ZNF138: variants seen among roughly 807,000 people sequenced by gnomAD.
ZNF138 encodes zinc finger protein 138 (clone pHZ-32).
A neutral mutation model predicts 33.0 loss-of-function variants in ZNF138; 33 were observed. That is an observed-to-expected ratio of 1.00 (90% CI 0.76 to 1.34). The LOEUF is 1.34. Ranked by LOEUF, ZNF138 falls within the 40% of genes most tolerant of loss-of-function variation. ZNF138 has a pLI of 0.00. For synonymous variants in ZNF138, 139 were observed against 120.4 expected, an observed-to-expected ratio of 1.15 and a Z score of -1.01; for missense variants, 360 against 370.8, an observed-to-expected ratio of 0.97 and a Z score of 0.24.
intron 3 of ZNF138, among the ~76,000 whole-genome samples, chr7:64,819,449 C>T (rs1185605421): frequency 6.6e-6 from 1 of 151,550 alleles, no homozygotes; most frequent in Non-Finnish European, 1.5e-5. Flanking sequence ...CTCACTGCAA[C>T]CTCCACCTTT....
chr7:64,854,881 T>C, the ZNF138 span, among the ~76,000 whole-genome samples: 1 of 152,238 alleles, frequency 6.6e-6, no homozygotes, highest in East Asian at 1.9e-4. Context: ...GCATACTATA[T>C]ACATACATTG....
the ZNF138 span, among the ~76,000 whole-genome samples, chr7:64,849,825 T>C: frequency 6.6e-6 from 1 of 152,008 alleles, no homozygotes; most frequent in East Asian, 1.9e-4. Context: ...GCACCGAGTG[T>C]TCTGCCAGGC....
intron 3 of ZNF138, chr7:64,831,205 T>C: frequency 7.7e-7 from 1 of 1,301,730 alleles, no homozygotes; most frequent in Non-Finnish European, 1.1e-6. Flanking sequence ...CTTTTCTCTC[T>C]CTTCTGTGTG....
rs1471794532 is a variant in ZNF138 at position 64,831,733 on chromosome 7, A to G, written c.491A>G (p.Asn164Ser). ...SNRHKIRHTE[N>S]KHFRCKECDK... ...AGACACAAGATAAGACATACTGAAA[A>G]TAAACATTTCAGATGTAAAGAATGT... The change falls in exon 4 of 4, where the codon AAT (asparagine) becomes AGT (serine). Residue 164 changes from asparagine to serine, a missense_variant. Asn to Ser is a conservative substitution (Grantham distance 46, BLOSUM62 1). Coordinates refer to ENST00000307355, the MANE Select transcript of ZNF138 (RefSeq NM_001271639.2). The G allele has an allele frequency of 1.2e-6, 2 of 1,613,432 alleles. No homozygotes were observed. The highest frequency in any genetic ancestry group is 8.5e-7 in the Non-Finnish European group (1 of 1,179,826).
intron 1 of ZNF138, among the ~76,000 whole-genome samples, chr7:64,799,552 G>A (rs1008621959): frequency 2.0e-5 from 3 of 152,290 alleles, no homozygotes; most frequent in Admixed American, 6.5e-5. Flanking sequence ...TGTAATTCTT[G>A]TAGAGATCTT....
intron 3 of ZNF138, among the ~76,000 whole-genome samples, chr7:64,820,984 G>T (rs1483572343): frequency 6.7e-6 from 1 of 148,576 alleles, no homozygotes; most frequent in Non-Finnish European, 1.5e-5. Context: ...AACAGATTTG[G>T]TGTTTTTAAA....
intron 1 of ZNF138, among the ~76,000 whole-genome samples, chr7:64,805,131 G>C (rs751261053): frequency 2.0e-5 from 3 of 152,086 alleles, no homozygotes; most frequent in Non-Finnish European, 4.4e-5. Context: ...GGGCGCAGTG[G>C]CTCACACCTA....
intron 3 of ZNF138, among the ~76,000 whole-genome samples, chr7:64,829,421 T>C (rs1439914700): frequency 6.6e-6 from 1 of 150,870 alleles, no homozygotes; most frequent in East Asian, 2.0e-4. Flanking sequence ...CACACACATA[T>C]GTAGAAATTT....
intron 1 of ZNF138, among the ~76,000 whole-genome samples, chr7:64,808,974 A>G (rs1237537877): frequency 1.5e-5 from 2 of 137,258 alleles, no homozygotes; most frequent in Admixed American, 7.5e-5. Context: ...AAAGTCTCCC[A>G]TGTCTACTTC....
intron 1 of ZNF138, among the ~76,000 whole-genome samples, chr7:64,813,432 AAT>A (rs746771263): frequency 1.3e-5 from 1 of 77,646 alleles, no homozygotes; most frequent in South Asian, 5.8e-4. Context: ...TTTGCATAAA[AAT>A]GATTTTTTTT....
chr7:64,802,839 G>A (rs893065436), intron 1 of ZNF138, among the ~76,000 whole-genome samples: 1 of 151,878 alleles, frequency 6.6e-6, no homozygotes, highest in Non-Finnish European at 1.5e-5. Context: ...TATCTTTACA[G>A]ATACAGTCAC....
intron 3 of ZNF138, chr7:64,831,220 T>C: frequency 3.3e-6 from 4 of 1,222,420 alleles, no homozygotes; most frequent in Non-Finnish European, 4.5e-6. Context: ...TGTGTGGCTC[T>C]TTGCATTGTG....
chr7:64,854,047 A>G, the ZNF138 span, among the ~76,000 whole-genome samples: 2 of 146,986 alleles, frequency 1.4e-5, no homozygotes, highest in Non-Finnish European at 3.0e-5. Flanking sequence ...AAAAAAAAAA[A>G]TAATTATTTT....
intron 1 of ZNF138, among the ~76,000 whole-genome samples, chr7:64,808,835 C>T (rs1787832360): frequency 7.5e-6 from 1 of 133,882 alleles, no homozygotes; most frequent in African/African-American, 2.5e-5. Context: ...GCACATCTTG[C>T]ACCGCCCTTA....
In ZNF138 at chr7:64,809,685, C is replaced by T. The variant is rs534924153; in HGVS notation, c.4-5233C>T. ...ATGGGGCTGCTGCCGGGCGGAGGGGCTCCTCACTTCTCAGACGGGGCGGTT... is the reference window on the plus strand; with the variant it reads ...ATGGGGCTGCTGCCGGGCGGAGGGGTTCCTCACTTCTCAGACGGGGCGGTT... On this transcript the variant is annotated intron_variant, in intron 1 of 3. Coordinates refer to ENST00000307355, the MANE Select transcript of ZNF138 (RefSeq NM_001271639.2). 2.0e-5 allele frequency among the ~76,000 whole-genome samples: 3 copies of T among 149,224 alleles called. No homozygotes were observed. The South Asian group carries it at 6.5e-4, about 32-fold the overall frequency.
chr7:64,852,449 A>G, the ZNF138 span: 9 of 1,580,300 alleles, frequency 5.7e-6, no homozygotes, highest in South Asian at 6.7e-5. Context: ...TTGTGGTGCA[A>G]TCTCGATGAT....
the ZNF138 span, among the ~76,000 whole-genome samples, chr7:64,840,730 AT>A: frequency 6.6e-6 from 1 of 151,710 alleles, no homozygotes; most frequent in Non-Finnish European, 1.5e-5. Context: ...ATTTAAAAAA[AT>A]TTGTTATGTA....
At chr7:64,855,267 G>A in the ZNF138 span, among the ~76,000 whole-genome samples, 1,402 of 152,240 alleles carry the variant, frequency 9.2e-3, 15 homozygotes, top group African/African-American at 0.032. Context: ...AAGAAATTCT[G>A]TAAATCTTAC....
chr7:64,818,237 C>T (rs1027552038), intron 3 of ZNF138, among the ~76,000 whole-genome samples: 3 of 151,930 alleles, frequency 2.0e-5, no homozygotes, highest in Non-Finnish European at 4.4e-5. Context: ...CCCCCCACCT[C>T]GGCCTCCCAA....
Sources: gnomAD v4.1 joint callset for allele counts (sites outside exome capture counted in the v4.1 genomes callset) on GRCh38, gnomAD v4.1.1 for gene constraint, MANE v1.5 for transcripts, NCBI Gene and HGNC (gene_info 2026-07-23, HGNC 2026-07-21) for gene names.